IQCM: variants seen among roughly 807,000 people sequenced by gnomAD.
IQCM encodes IQ motif containing M.
In IQCM, 45 loss-of-function variants were observed where a neutral mutation model predicts 57.6. That is an observed-to-expected ratio of 0.78 (90% CI 0.62 to 1.00). The LOEUF (loss-of-function observed/expected upper bound fraction) is 1.00. Ranked by LOEUF, IQCM falls within the 50% of genes least tolerant of loss-of-function variation. The probability of loss-of-function intolerance (pLI) is 0.00; values close to 1 mark genes in which losing one functional copy is unlikely to be tolerated. For synonymous variants in IQCM, 148 were observed against 158.9 expected (o/e 0.93, Z 0.51); for missense variants, 468 against 511.6 (o/e 0.91, Z 0.82).
chr4:149,568,601 A>G (rs1750855723), intron 9 of IQCM, among the ~76,000 whole-genome samples: 1 of 152,102 alleles, frequency 6.6e-6, no homozygotes, highest in Non-Finnish European at 1.5e-5. Flanking sequence ...AGCCTGAGCC[A>G]CAAGGTGAAA....
intron 12 of IQCM, among the ~76,000 whole-genome samples, chr4:149,533,914 A>G (rs960021663): frequency 6.6e-6 from 1 of 152,134 alleles, no homozygotes; most frequent in Non-Finnish European, 1.5e-5. Flanking sequence ...TCTACAAACT[A>G]TCTTAATATG....
At chr4:149,405,889 CAT>C (rs10595442) in intron 13 of IQCM, among the ~76,000 whole-genome samples, 75,932 of 141,774 alleles carry the variant, frequency 0.54, 20,400 homozygotes, top group Non-Finnish European at 0.56. Flanking sequence ...TATATATCTT[CAT>C]ATATATATAT....
intron 12 of IQCM, among the ~76,000 whole-genome samples, chr4:149,458,654 C>T (rs1014479369): frequency 3.9e-5 from 6 of 151,904 alleles, no homozygotes; most frequent in African/African-American, 1.4e-4. Flanking sequence ...AGGAGAAATC[C>T]TAACTATTTT....
chr4:149,601,578 C>G (rs1369439981), intron 8 of IQCM, among the ~76,000 whole-genome samples: 1 of 152,142 alleles, frequency 6.6e-6, no homozygotes, highest in African/African-American at 2.4e-5. Context: ...CCACAACAAC[C>G]AACACCTCTA....
intron 7 of IQCM, among the ~76,000 whole-genome samples, chr4:149,652,400 C>T (rs1420583271): frequency 6.6e-6 from 1 of 152,008 alleles, no homozygotes; most frequent in Non-Finnish European, 1.5e-5. Flanking sequence ...CACCATAGCA[C>T]ATGTATACCT....
intron 13 of IQCM, among the ~76,000 whole-genome samples, chr4:149,381,716 C>T (rs1292865703): frequency 6.8e-6 from 1 of 147,008 alleles, no homozygotes; most frequent in Non-Finnish European, 1.5e-5. Context: ...GCTCTTTCCC[C>T]CATAGTATGT....
intron 7 of IQCM, among the ~76,000 whole-genome samples, chr4:149,676,302 C>G (rs1406924199): frequency 6.6e-6 from 1 of 152,146 alleles, no homozygotes; most frequent in Middle Eastern, 3.4e-3. Flanking sequence ...AATGTGATAG[C>G]GAAAGTCAGT....
chr4:149,502,256 C>A (rs1026684567), intron 12 of IQCM, among the ~76,000 whole-genome samples: 4 of 151,632 alleles, frequency 2.6e-5, no homozygotes, highest in Non-Finnish European at 5.9e-5. Context: ...ATTTTGTACT[C>A]ACAATAAAAT....
chr4:149,479,292 GA>G, intron 12 of IQCM, among the ~76,000 whole-genome samples: 1 of 152,222 alleles, frequency 6.6e-6, no homozygotes, highest in Non-Finnish European at 1.5e-5. Flanking sequence ...TATACAGAGG[GA>G]AAAACACCAT....
intron 7 of IQCM, among the ~76,000 whole-genome samples, chr4:149,648,261 GTAC>G (rs1758822855): frequency 6.6e-6 from 1 of 151,902 alleles, no homozygotes; most frequent in Non-Finnish European, 1.5e-5. Flanking sequence ...GTTTCCTTAT[GTAC>G]TTAGCTATTA....
chr4:149,563,604 A>G lies in IQCM; in HGVS notation c.948+88T>C, dbSNP rs1010563304. On this transcript the variant is annotated intron_variant, in intron 10 of 13. Transcript: ENST00000636793. ...TCTATCTCCAAAAAAAAAAGTATGT[A>G]CATTGACCAGATGACTATTCAAAAT... 6.6e-6 allele frequency: 6 copies of G among 915,564 alleles called. No individual in the cohort carries two copies. The African/African-American group carries it at 8.6e-5, about 13-fold the overall frequency. The allele number at this position is 915,564 out of a possible 1,614,324, so 56.7% of individuals were successfully genotyped here.
rs1236416004 is a variant in IQCM, at chr4:149,389,713, T to TG, written c.1391-37648dup. On this transcript the variant is annotated intron_variant, in intron 13 of 13. Transcript: ENST00000636793. ...TCACACTCTGGGGACTGTTGTGGGT[T>TG]GGGGGCGGGGGGAGGGATAGCACTG... 2.0e-3 allele frequency among the ~76,000 whole-genome samples: 117 copies of TG among 59,926 alleles called. 1 individual carries two copies. Among genetic ancestry groups the TG allele is most frequent in the African/African-American group, 8.0e-3 (108 of 13,542 alleles). 39.3% of individuals were successfully genotyped at this position (59,926 alleles called of 152,430 possible).
At chr4:149,662,013 T>C (rs1760265103) in intron 7 of IQCM, among the ~76,000 whole-genome samples, 1 of 152,052 alleles carries the variant, frequency 6.6e-6, no homozygotes, top group Non-Finnish European at 1.5e-5. Flanking sequence ...TGTTTTTAGG[T>C]CCTTGCAGTG....
At chr4:149,573,358 C>T (rs1381660632) in intron 9 of IQCM, among the ~76,000 whole-genome samples, 1 of 151,656 alleles carries the variant, frequency 6.6e-6, no homozygotes. Context: ...CCAAGGAACT[C>T]CTCTTCAAGA....
At chr4:149,641,599 TCA>T (rs993868433) in intron 7 of IQCM, among the ~76,000 whole-genome samples, 27 of 152,252 alleles carry the variant, frequency 1.8e-4, no homozygotes, top group African/African-American at 6.5e-4. Flanking sequence ...GAAAAATGCA[TCA>T]GTCACTTAAA....
At chr4:149,356,005 C>T (rs1267108232) in intron 13 of IQCM, among the ~76,000 whole-genome samples, 2 of 152,314 alleles carry the variant, frequency 1.3e-5, no homozygotes, top group East Asian at 1.9e-4. Flanking sequence ...TGATGATGAA[C>T]ATTTTTTCAT....
chr4:149,415,118 T>A (rs1189250167), intron 13 of IQCM, among the ~76,000 whole-genome samples: 1 of 152,192 alleles, frequency 6.6e-6, no homozygotes, highest in Non-Finnish European at 1.5e-5. Flanking sequence ...AAATGGATAC[T>A]TTGATTAAAA....
intron 8 of IQCM, among the ~76,000 whole-genome samples, chr4:149,615,682 AT>A (rs1755730083): frequency 1.3e-5 from 2 of 152,246 alleles, no homozygotes; most frequent in Admixed American, 6.5e-5. Flanking sequence ...TAAAGAATGC[AT>A]ATCTACAATG....
At chr4:149,557,602 T>C (rs1317540339) in intron 10 of IQCM, among the ~76,000 whole-genome samples, 1 of 152,150 alleles carries the variant, frequency 6.6e-6, no homozygotes, top group East Asian at 1.9e-4. Flanking sequence ...TCTCACCAAA[T>C]GGCCTAATTC....
Sources: allele counts gnomAD v4.1 joint callset (sites outside exome capture counted in the v4.1 genomes callset), GRCh38; gene constraint gnomAD v4.1.1; transcripts MANE v1.5; gene names NCBI Gene and HGNC (gene_info 2026-07-23, HGNC 2026-07-21).